KCND3: variants seen among roughly 807,000 people sequenced by gnomAD.
KCND3 encodes the protein potassium voltage-gated channel subfamily D member 3, also known as A-type voltage-gated potassium channel KCND3.
A neutral mutation model predicts 51.1 loss-of-function variants in KCND3; 9 were observed. The ratio of observed to expected loss-of-function variants is 0.18; its 90% CI spans 0.11 to 0.31. The LOEUF is 0.31. Ranked by LOEUF, KCND3 falls within the 10% of genes least tolerant of loss-of-function variation. The probability of loss-of-function intolerance (pLI) is 1.00; values close to 1 mark genes in which losing one functional copy is unlikely to be tolerated. For missense variants in KCND3, 526 were observed against 903.8 expected (o/e 0.58, Z 5.36); for synonymous variants, 349 against 368.0 (o/e 0.95, Z 0.59).
intron 2 of KCND3, among the ~76,000 whole-genome samples, chr1:111,896,745 A>G (rs879300624): frequency 6.6e-6 from 1 of 152,232 alleles, no homozygotes; most frequent in Non-Finnish European, 1.5e-5. Flanking sequence ...TATGGGCATC[A>G]TCATCAAGTC....
chr1:111,985,658 G>T (rs1055957541), intron 1 of KCND3, among the ~76,000 whole-genome samples: 2 of 152,192 alleles, frequency 1.3e-5, no homozygotes, highest in African/African-American at 4.8e-5. Context: ...AGTAAAATCT[G>T]AAGACAGATC....
chr1:111,980,531 CA>C (rs1557765964), intron 2 of KCND3, among the ~76,000 whole-genome samples: 1 of 152,058 alleles, frequency 6.6e-6, no homozygotes, highest in Non-Finnish European at 1.5e-5. Flanking sequence ...CCACCAACCA[CA>C]CTGTCAAAGA....
At chr1:111,989,346 C>A (rs1336708852) in intron 1 of KCND3, among the ~76,000 whole-genome samples, 159 bp downstream of exon 1, 1 of 152,124 alleles carries the variant, frequency 6.6e-6, no homozygotes, top group African/African-American at 2.4e-5. Flanking sequence ...TCTGCTCCCC[C>A]ACGGCACGGG....
chr1:111,823,312 T>C (rs999282514), intron 2 of KCND3, among the ~76,000 whole-genome samples: 9 of 152,192 alleles, frequency 5.9e-5, no homozygotes, highest in Admixed American at 1.3e-4. Context: ...AGTTTTTTTT[T>C]CAACGGTTTC....
At chr1:111,974,343 T>C (rs916241079) in intron 2 of KCND3, among the ~76,000 whole-genome samples, 3 of 150,904 alleles carry the variant, frequency 2.0e-5, no homozygotes, top group African/African-American at 7.3e-5. Context: ...CAAATAAATT[T>C]CTGGGGGTCT....
intron 2 of KCND3, among the ~76,000 whole-genome samples, chr1:111,804,332 G>C (rs914952035): frequency 4.6e-5 from 7 of 152,246 alleles, no homozygotes; most frequent in Non-Finnish European, 7.3e-5. Flanking sequence ...TGGTCTTAGG[G>C]GTTGCTGCAG....
chr1:111,891,771 G>A (rs1356411781), intron 2 of KCND3, among the ~76,000 whole-genome samples: 2 of 152,164 alleles, frequency 1.3e-5, no homozygotes, highest in African/African-American at 4.8e-5. Context: ...TATTTGCTGA[G>A]TAAATGAATA....
chr1:111,853,551 C>G (rs942377417), intron 2 of KCND3, among the ~76,000 whole-genome samples: 11 of 152,186 alleles, frequency 7.2e-5, no homozygotes, highest in African/African-American at 2.2e-4. Context: ...AATCACAAAG[C>G]CCACCCCGGC....
intron 2 of KCND3, among the ~76,000 whole-genome samples, chr1:111,797,405 C>T (rs936293219): frequency 2.6e-5 from 4 of 152,150 alleles, no homozygotes; most frequent in African/African-American, 7.2e-5. Context: ...CATAGCCCCT[C>T]GCACTGGCCA....
chr1:111,815,732 T>C (rs1458709463), intron 2 of KCND3, among the ~76,000 whole-genome samples: 2 of 151,922 alleles, frequency 1.3e-5, no homozygotes, highest in African/African-American at 2.4e-5. Context: ...CCCGTTGCAA[T>C]AGTCCCGAAT....
chr1:111,822,190 T>C (rs908391651), intron 2 of KCND3, among the ~76,000 whole-genome samples: 2 of 152,182 alleles, frequency 1.3e-5, no homozygotes, highest in Non-Finnish European at 2.9e-5. Context: ...AATTAAAATA[T>C]GTTTGTCGTG....
At chr1:111,951,105 G>A (rs1673037354) in intron 2 of KCND3, among the ~76,000 whole-genome samples, 1 of 147,606 alleles carries the variant, frequency 6.8e-6, no homozygotes, top group African/African-American at 2.5e-5. Context: ...GAGAGATGGA[G>A]GTTGCGGTGA....
At chr1:111,856,421 T>C (rs817973) in intron 2 of KCND3, among the ~76,000 whole-genome samples, 107,031 of 152,194 alleles carry the variant, frequency 0.7, 38,061 homozygotes, top group East Asian at 1. Flanking sequence ...GGAAGCTCTC[T>C]GCGTGCTGTG....
At chr1:111,830,805 T>A (rs1337938526) in intron 2 of KCND3, among the ~76,000 whole-genome samples, 7 of 152,280 alleles carry the variant, frequency 4.6e-5, no homozygotes, top group Admixed American at 4.6e-4. Flanking sequence ...TAATGGGATA[T>A]GTTATTTTAA....
intron 2 of KCND3, among the ~76,000 whole-genome samples, chr1:111,952,166 G>A (rs1027914159): frequency 6.6e-6 from 1 of 152,156 alleles, no homozygotes; most frequent in Non-Finnish European, 1.5e-5. Flanking sequence ...AGCCTTAGGG[G>A]GTCGGGAGTC....
intron 2 of KCND3, among the ~76,000 whole-genome samples, chr1:111,873,673 C>G (rs1001751082): frequency 6.6e-6 from 1 of 152,122 alleles, no homozygotes; most frequent in African/African-American, 2.4e-5. Flanking sequence ...ATCTCTCTCT[C>G]AAGCAGATGC....
At chr1:111,792,174 G>A (rs986370499) in intron 2 of KCND3, among the ~76,000 whole-genome samples, 2 of 152,246 alleles carry the variant, frequency 1.3e-5, no homozygotes, top group Non-Finnish European at 2.9e-5. Flanking sequence ...AAGAAGAGGA[G>A]TTGGGGAATG....
At chr1:111,795,953 T>A (rs534246845) in intron 2 of KCND3, among the ~76,000 whole-genome samples, 15 of 152,236 alleles carry the variant, frequency 9.9e-5, no homozygotes, top group Non-Finnish European at 1.6e-4. Context: ...TTGAACTTTT[T>A]TTCCTATGAT....
At chr1:111,831,481 C>T (rs965385814) in intron 2 of KCND3, among the ~76,000 whole-genome samples, 1 of 152,204 alleles carries the variant, frequency 6.6e-6, no homozygotes, top group Non-Finnish European at 1.5e-5. Flanking sequence ...TTTCCTGAGG[C>T]CTCCCCAGCC....
Sources: allele counts gnomAD v4.1 joint callset (sites outside exome capture counted in the v4.1 genomes callset), GRCh38; gene constraint gnomAD v4.1.1; transcripts MANE v1.5; gene names NCBI Gene and HGNC (gene_info 2026-07-23, HGNC 2026-07-21).